SHC2: variants seen among roughly 807,000 people sequenced by gnomAD.
SHC2 encodes SHC-transforming protein 2.
A neutral mutation model predicts 60.6 loss-of-function variants in SHC2; 62 were observed. That is an observed-to-expected ratio of 1.02 (90% CI 0.83 to 1.26). The LOEUF is 1.26. Among genes scored for constraint, SHC2 ranks in the 50% most tolerant of loss-of-function variants. The pLI is 0.00. For missense variants in SHC2, 873 were observed against 822.2 expected, an observed-to-expected ratio of 1.06 and a Z score of -0.76; for synonymous variants, 375 against 372.4, an observed-to-expected ratio of 1.01 and a Z score of -0.08.
intron 9 of SHC2, among the ~76,000 whole-genome samples, chr19:430,078 C>G (rs1416143872): frequency 7.2e-6 from 1 of 139,600 alleles, no homozygotes; most frequent in Admixed American, 7.4e-5. Flanking sequence ...TGACGCAGTA[C>G]CTATATCCCA....
At position 440,801 on chromosome 19, in the gene SHC2, T is replaced by TGCCGCCCTCCAGC. The variant is rs1974844821; in HGVS notation, c.539+60_539+61insGCTGGAGGGCGGC. On this transcript the variant is annotated intron_variant, in intron 2 of 12. Coordinates refer to ENST00000264554, the MANE Select transcript of SHC2 (RefSeq NM_012435.3). This position sits in a 1 kb window ranked among gnomAD's most constrained non-coding sequence, Gnocchi z 7.0. ...AGAGCCCATCGCTGCCGCCCTCCAG[T>TGCCGCCCTCCAGC]GCTGCCGCCCTCCAGTGCGTCACTC... 6.9e-7 allele frequency: 1 copy of TGCCGCCCTCCAGC among 1,443,238 alleles called. No homozygotes were observed. Among genetic ancestry groups the TGCCGCCCTCCAGC allele is most frequent in the African/African-American group, 1.6e-5 (1 of 63,074 alleles). 89.4% of individuals were successfully genotyped at this position (1,443,238 alleles called of 1,614,324 possible).
intron 1 of SHC2, among the ~76,000 whole-genome samples, chr19:454,530 T>C (rs566766747): frequency 6.6e-6 from 1 of 152,162 alleles, no homozygotes; most frequent in Non-Finnish European, 1.5e-5. Context: ...CGCACACCTG[T>C]CATCCCAGCA....
intron 1 of SHC2, among the ~76,000 whole-genome samples, chr19:448,296 G>A (rs1276283889): frequency 6.6e-6 from 1 of 152,200 alleles, no homozygotes; most frequent in East Asian, 1.9e-4. Context: ...CCCAGAGCCG[G>A]GAGTCTGAGG....
chr19:428,321 C>T (rs538801097), intron 9 of SHC2, among the ~76,000 whole-genome samples: 2 of 152,196 alleles, frequency 1.3e-5, no homozygotes, highest in Non-Finnish European at 2.9e-5. Context: ...CTCCCTGGGA[C>T]GCGTTTGTTG....
At position 441,149 on chromosome 19, in the gene SHC2, T is replaced by C. The variant is rs1974855980; in HGVS notation, c.469-217A>G. 1.5e-5 allele frequency: 15 copies of C among 984,986 alleles called. No homozygotes were observed. The South Asian group carries it at 5.6e-4, about 37-fold the overall frequency. The allele number at this position is 984,986 out of a possible 1,614,324, so 61.0% of individuals were successfully genotyped here. On this transcript the variant is annotated intron_variant, in intron 1 of 12. Coordinates refer to ENST00000264554, the MANE Select transcript of SHC2 (RefSeq NM_012435.3). The surrounding 1 kb of genome is among the most constrained non-coding windows in gnomAD (Gnocchi z 4.9). Reference sequence around the variant, plus strand: ...CTCTGACTCCAGGCATGTTTTTCTGTGTTGCTGTTTCTCAGGAGCCTGGTG... The same window carrying C: ...CTCTGACTCCAGGCATGTTTTTCTGCGTTGCTGTTTCTCAGGAGCCTGGTG...
chr19:458,740 GA>G (rs1568301086), intron 1 of SHC2, among the ~76,000 whole-genome samples: 2 of 146,196 alleles, frequency 1.4e-5, no homozygotes, highest in Non-Finnish European at 3.0e-5. Context: ...GGGTTCCGGG[GA>G]GGCGGAAGCG....
chr19:435,000 C>G (rs901420348), intron 7 of SHC2, 135 bp from the exon 8 acceptor site: 22 of 867,830 alleles, frequency 2.5e-5, no homozygotes, highest in Non-Finnish European at 3.4e-5. Flanking sequence ...AGGGTTCCTA[C>G]CGGGAAACGC....
intron 1 of SHC2, among the ~76,000 whole-genome samples, chr19:449,191 A>T (rs1429345553): frequency 6.6e-6 from 1 of 151,672 alleles, no homozygotes; most frequent in East Asian, 1.9e-4. Context: ...TAAATAAAAT[A>T]AAAATTAGCT....
rs1423815991 is a variant in SHC2 at position 441,485 on chromosome 19, G to A, written c.469-553C>T. Among the ~76,000 whole-genome samples, 2 of 152,042 alleles carry A rather than the reference G, an allele frequency of 1.3e-5. No homozygotes were observed. Among genetic ancestry groups the A allele is most frequent in the Non-Finnish European group, 2.9e-5 (2 of 68,006 alleles). ...ACTGAGGGACGAGAGGGGCAGAGGC[G>A]TCCCACCGAGTCCCTGACCTGCTTC... is the stretch of plus-strand genomic sequence containing the variant. On this transcript the variant is annotated intron_variant, in intron 1 of 12. Transcript: ENST00000264554. The surrounding 1 kb of genome is among the most constrained non-coding windows in gnomAD (Gnocchi z 4.9).
intron 1 of SHC2, 64 bp downstream of exon 1, chr19:460,465 A>C: frequency 1.9e-5 from 11 of 573,624 alleles, no homozygotes; most frequent in East Asian, 2.0e-4. Flanking sequence ...GGGGTCCCGG[A>C]GGAGAGGGTG....
intron 9 of SHC2, 62 bp downstream of exon 9, chr19:430,622 G>A (rs1974558552): frequency 7.2e-7 from 1 of 1,396,406 alleles, no homozygotes; most frequent in Admixed American, 1.8e-5. Context: ...AGCCAGCACA[G>A]GACAGGGCTG....
chr19:442,959 ACGGGTGG>A (rs1355439587), intron 1 of SHC2, among the ~76,000 whole-genome samples: 149 of 92,120 alleles, frequency 1.6e-3, no homozygotes, highest in South Asian at 1.7e-3. Flanking sequence ...GGATGGATGG[ACGGGTGG>A]GTGGATGGGT....
chr19:460,635 G>A lies in SHC2; in HGVS notation c.362C>T (p.Ala121Val), dbSNP rs1975525461. The A allele has an allele frequency of 4.6e-6, 6 of 1,305,992 alleles. No individual in the cohort carries two copies. Among genetic ancestry groups the A allele is most frequent in the East Asian group, 3.4e-5 (1 of 29,586 alleles). 80.9% of individuals were successfully genotyped at this position (1,305,992 alleles called of 1,614,324 possible). Residue 121 changes from alanine (A) to valine (V), a missense_variant, in exon 1 of 13, where the codon GCC becomes GTC. By Grantham distance (64) the Ala-to-Val change is moderately conservative. Transcript: ENST00000264554. Reference protein sequence around the residue: ...RGAAGSGDAAAAAEWIRKGSF... With the variant: ...RGAAGSGDAAVAAEWIRKGSF... ...GCCCTTCCGGATCCACTCGGCGGCGGCGGCGGCGTCCCCGGACCCCGCCGC... is the reference window on the plus strand; with the variant it reads ...GCCCTTCCGGATCCACTCGGCGGCGACGGCGGCGTCCCCGGACCCCGCCGC...
In SHC2 at chr19:422,229, C is replaced by T. The variant is rs61750917; in HGVS notation, c.1537G>A (p.Val513Ile). 6,247 of 1,612,458 alleles carry T rather than the reference C, an allele frequency of 3.9e-3. 225 individuals are homozygous for T. In the African/African-American group the frequency reaches 0.071, roughly 18 times the overall value. ...AGGACATACTGCCCGGGGTTGGTGA[C>T]GCTGTCTCGCACAAGGAAGTCCCCG... ...ADGDFLVRDS[V>I]TNPGQYVLTG... The change falls in exon 11 of 13, where the codon GTC (valine) becomes ATC (isoleucine). Residue 513 changes from valine to isoleucine, a missense_variant. Transcript: ENST00000264554. This position sits in a 1 kb window ranked among gnomAD's most constrained non-coding sequence, Gnocchi z 5.0.
rs537115661 is a variant in SHC2, at chr19:445,579, A to T, written c.469-4647T>A. On this transcript the variant is annotated intron_variant, in intron 1 of 12. Coordinates refer to ENST00000264554, the MANE Select transcript of SHC2 (RefSeq NM_012435.3). The surrounding 1 kb of genome is among the most constrained non-coding windows in gnomAD (Gnocchi z 4.4). ...TGAGGCCTCATCTCTACAAAAGAAA[A>T]ATTTTTAATTAGCTGAGCATGGTGA... Among the ~76,000 whole-genome samples the T allele has an allele frequency of 1.8e-4, 27 of 152,080 alleles. No individual in the cohort carries two copies. Among genetic ancestry groups the T allele is most frequent in the South Asian group, 1.5e-3 (7 of 4,810 alleles).
At chr19:442,310 C>G (rs941014814) in intron 1 of SHC2, among the ~76,000 whole-genome samples, 8 of 140,894 alleles carry the variant, frequency 5.7e-5, no homozygotes, top group African/African-American at 2.1e-4. Flanking sequence ...GATGGACAGG[C>G]AGATGGACAA....
At position 427,015 on chromosome 19, in the gene SHC2, C is replaced by T. The variant is rs371215460; in HGVS notation, c.1175-1784G>A. On this transcript the variant is annotated intron_variant, in intron 9 of 12. Coordinates refer to ENST00000264554, the MANE Select transcript of SHC2 (RefSeq NM_012435.3). ...AACAGCCCGGGTGTGGGCACAGGGG[C>T]AGGGAACGCTGGCGAGCCCCCGGTC... Among the ~76,000 whole-genome samples, 337 of 152,158 alleles carry T rather than the reference C, an allele frequency of 2.2e-3. 4 individuals are homozygous for T. Among genetic ancestry groups the T allele is most frequent in the African/African-American group, 7.9e-3 (327 of 41,514 alleles).
At position 425,576 on chromosome 19, in the gene SHC2, C is replaced by T. The variant is rs964972145; in HGVS notation, c.1175-345G>A. On this transcript the variant is annotated intron_variant, in intron 9 of 12. Coordinates refer to ENST00000264554, the MANE Select transcript of SHC2 (RefSeq NM_012435.3). This position sits in a 1 kb window ranked among gnomAD's most constrained non-coding sequence, Gnocchi z 4.1. Reference sequence around the variant, plus strand: ...GCCCAGGGTCCAGAGCTTCCCAGTGCGTGTATGTTCAGTCTCCACATTTAA... The same window carrying T: ...GCCCAGGGTCCAGAGCTTCCCAGTGTGTGTATGTTCAGTCTCCACATTTAA... Among the ~76,000 whole-genome samples the T allele has an allele frequency of 3.3e-5, 5 of 152,214 alleles. No homozygotes were observed. The highest frequency in any genetic ancestry group is 1.2e-4 in the African/African-American group (5 of 41,448).
At chr19:449,175 TTAAAA>T (rs1244685013) in intron 1 of SHC2, among the ~76,000 whole-genome samples, 1 of 150,852 alleles carries the variant, frequency 6.6e-6, no homozygotes, top group Non-Finnish European at 1.5e-5. Context: ...CTCTAAAAAA[TTAAAA>T]TAAATAAAAT....
Sources: allele counts gnomAD v4.1 joint callset (sites outside exome capture counted in the v4.1 genomes callset), GRCh38; gene constraint gnomAD v4.1.1; non-coding constraint Gnocchi (gnomAD v3.1); transcripts MANE v1.5; gene names NCBI Gene and HGNC (gene_info 2026-07-23, HGNC 2026-07-21).